LRRTM4: variants seen among roughly 807,000 people sequenced by gnomAD.
The protein encoded by LRRTM4 is leucine-rich repeat transmembrane neuronal protein 4.
Under a neutral mutation model 47.6 loss-of-function variants are expected in LRRTM4, and 25 were observed. The observed-to-expected ratio is 0.53, with a 90% CI of 0.38 to 0.73. The LOEUF is 0.73. Ranked by LOEUF, LRRTM4 falls within the 30% of genes least tolerant of loss-of-function variation. The probability of loss-of-function intolerance (pLI) is 0.00; values close to 1 mark genes in which losing one functional copy is unlikely to be tolerated. For synonymous variants in LRRTM4, 311 were observed against 269.5 expected (o/e 1.15, Z -1.51); for missense variants, 638 against 713.4 (o/e 0.89, Z 1.20).
At chr2:76,901,145 T>C (rs74656871) in intron 3 of LRRTM4, among the ~76,000 whole-genome samples, 6,833 of 152,182 alleles carry the variant, frequency 0.045, 332 homozygotes, top group East Asian at 0.13. Flanking sequence ...TATCAACCCA[T>C]CACATAGGTA....
At chr2:76,797,881 G>A (rs141281549) in intron 3 of LRRTM4, among the ~76,000 whole-genome samples, 15,859 of 149,496 alleles carry the variant, frequency 0.11, 1,007 homozygotes, top group Non-Finnish European at 0.14. Flanking sequence ...GCCATTACAT[G>A]ATGGTAAAGG....
At chr2:77,242,962 G>A (rs1220006736) in intron 3 of LRRTM4, among the ~76,000 whole-genome samples, 2 of 152,102 alleles carry the variant, frequency 1.3e-5, no homozygotes, top group Non-Finnish European at 2.9e-5. Context: ...CCAAAAGGTG[G>A]AAACAACCCA....
At chr2:76,840,790 G>A (rs1671651635) in intron 3 of LRRTM4, among the ~76,000 whole-genome samples, 1 of 152,092 alleles carries the variant, frequency 6.6e-6, no homozygotes, top group African/African-American at 2.4e-5. Context: ...TGCTGGAGAG[G>A]ATGTAGAGAA....
At chr2:76,977,257 C>T (rs7583560) in intron 3 of LRRTM4, among the ~76,000 whole-genome samples, 37,295 of 151,174 alleles carry the variant, frequency 0.25, 5,882 homozygotes, top group African/African-American at 0.44. Flanking sequence ...ATTTTCTGTA[C>T]ACTTCCCCCT....
intron 3 of LRRTM4, among the ~76,000 whole-genome samples, chr2:76,857,622 C>G (rs1319953725): frequency 2.6e-5 from 4 of 152,004 alleles, no homozygotes; most frequent in Non-Finnish European, 5.9e-5. Context: ...TATAGTCTTT[C>G]GTATTTCAGT....
chr2:76,926,123 GATAA>G (rs1247994331), intron 3 of LRRTM4, among the ~76,000 whole-genome samples: 3 of 152,152 alleles, frequency 2.0e-5, no homozygotes, highest in Non-Finnish European at 4.4e-5. Context: ...TTCATAAATT[GATAA>G]ATAAAATTGT....
At chr2:76,806,601 G>A (rs184421540) in intron 3 of LRRTM4, among the ~76,000 whole-genome samples, 2 of 151,372 alleles carry the variant, frequency 1.3e-5, no homozygotes, top group Admixed American at 6.6e-5. Flanking sequence ...TTTTTAAAAA[G>A]AAAAAAAACA....
intron 3 of LRRTM4, among the ~76,000 whole-genome samples, chr2:77,483,731 G>T (rs192864312): frequency 3.7e-4 from 57 of 152,262 alleles, no homozygotes; most frequent in African/African-American, 1.1e-3. Flanking sequence ...ATTGAAATCT[G>T]AATTAATGTG....
At chr2:77,004,400 G>T (rs1391694709) in intron 3 of LRRTM4, among the ~76,000 whole-genome samples, 1 of 152,182 alleles carries the variant, frequency 6.6e-6, no homozygotes, top group Non-Finnish European at 1.5e-5. Flanking sequence ...TTGAGAGGGT[G>T]CAAGCTCCAA....
At chr2:77,088,631 C>G (rs553751952) in intron 3 of LRRTM4, among the ~76,000 whole-genome samples, 84 of 152,306 alleles carry the variant, frequency 5.5e-4, no homozygotes, top group African/African-American at 1.9e-3. Context: ...CCATGTTGCT[C>G]ACACAAAGCC....
Position 77,362,170 on chromosome 2 carries a change from A to AAAGAAAGAAAGGAAGG in LRRTM4, c.1551+156147_1551+156148insCCTTCCTTTCTTTCTT, listed in dbSNP as rs1282143102. Among the ~76,000 whole-genome samples the AAAGAAAGAAAGGAAGG allele has an allele frequency of 1.7e-3, 229 of 133,532 alleles. 1 individual carries two copies. Among genetic ancestry groups the AAAGAAAGAAAGGAAGG allele is most frequent in the Middle Eastern group, 7.4e-3 (2 of 272 alleles). The allele number at this position is 133,532 out of a possible 152,430, so 87.6% of individuals were successfully genotyped here. A position where few individuals can be genotyped will look rare whatever the true frequency, so the allele number is the denominator to read the frequency against. Reference sequence around the variant, plus strand: ...GAAAGAAAGAAAGAAAGAAAGAAAGAAAGGAAGGAAGGAAGAGTTCTTAAT... The same window carrying AAAGAAAGAAAGGAAGG: ...GAAAGAAAGAAAGAAAGAAAGAAAGAAAGAAAGAAAGGAAGGAAGGAAGGAAGGAAGAGTTCTTAAT... On this transcript the variant is annotated intron_variant, in intron 3 of 3. Coordinates refer to ENST00000409884, the MANE Select transcript of LRRTM4 (RefSeq NM_001134745.3).
rs1011553960 is a variant in LRRTM4 at position 76,905,689 on chromosome 2, C to T, written c.1552-156773G>A. On this transcript the variant is annotated intron_variant, in intron 3 of 3. Transcript: ENST00000409884. The stretch of plus-strand genomic sequence containing the variant: ...AGCTGAAACCAAGGCTCCAGAACTA[C>T]GTGAAGAATGCAGAAGCCTCAGGAG... Among the ~76,000 whole-genome samples the T allele has an allele frequency of 1.2e-4, 17 of 144,980 alleles. 1 individual carries two copies. Among genetic ancestry groups the T allele is most frequent in the South Asian group, 6.6e-4 (3 of 4,532 alleles).
intron 3 of LRRTM4, among the ~76,000 whole-genome samples, chr2:77,190,387 C>G (rs539968070): frequency 6.6e-6 from 1 of 150,802 alleles, no homozygotes; most frequent in Admixed American, 6.6e-5. Context: ...CCTCCGCCTC[C>G]CAGTTCAAGC....
At chr2:76,808,326 A>C (rs1670620175) in intron 3 of LRRTM4, among the ~76,000 whole-genome samples, 1 of 151,788 alleles carries the variant, frequency 6.6e-6, no homozygotes, top group Non-Finnish European at 1.5e-5. Flanking sequence ...ATTATTTCTT[A>C]CTTATTCATG....
At chr2:77,129,565 A>T (rs187939537) in intron 3 of LRRTM4, among the ~76,000 whole-genome samples, 32 of 152,294 alleles carry the variant, frequency 2.1e-4, no homozygotes, top group Admixed American at 4.6e-4. Context: ...AGCATCACAT[A>T]TTGTTTATAT....
intron 3 of LRRTM4, among the ~76,000 whole-genome samples, chr2:77,001,736 T>C (rs1263831150): frequency 3.3e-5 from 5 of 152,174 alleles, no homozygotes; most frequent in Non-Finnish European, 5.9e-5. Context: ...CAAAGAATTT[T>C]CCACAGTGCT....
chr2:77,299,300 T>C (rs1160476313), intron 3 of LRRTM4, among the ~76,000 whole-genome samples: 3 of 151,084 alleles, frequency 2.0e-5, no homozygotes, highest in Non-Finnish European at 4.4e-5. Flanking sequence ...TATATGTATA[T>C]ATACACGTAT....
At chr2:77,047,682 C>G (rs867642255) in intron 3 of LRRTM4, among the ~76,000 whole-genome samples, 1 of 152,006 alleles carries the variant, frequency 6.6e-6, no homozygotes, top group Admixed American at 6.6e-5. Context: ...TGTCACTTCC[C>G]TTTATCTTAA....
intron 3 of LRRTM4, among the ~76,000 whole-genome samples, chr2:77,036,904 A>T (rs1462864189): frequency 6.6e-6 from 1 of 151,740 alleles, no homozygotes; most frequent in Non-Finnish European, 1.5e-5. Context: ...ATTATTTATT[A>T]ACCTAAGGTT....
Sources: allele counts gnomAD v4.1 joint callset (sites outside exome capture counted in the v4.1 genomes callset), GRCh38; gene constraint gnomAD v4.1.1; transcripts MANE v1.5; gene names NCBI Gene and HGNC (gene_info 2026-07-23, HGNC 2026-07-21).